DAAM1: variants seen among roughly 807,000 people sequenced by gnomAD.
DAAM1 encodes the protein disheveled-associated activator of morphogenesis 1.
A neutral mutation model predicts 130.0 loss-of-function variants in DAAM1; 52 were observed. The ratio of observed to expected loss-of-function variants is 0.40; its 90% CI spans 0.32 to 0.50. The LOEUF (loss-of-function observed/expected upper bound fraction) is 0.50. Ranked by LOEUF, DAAM1 falls within the 20% of genes least tolerant of loss-of-function variation. The pLI is 0.61. For missense variants in DAAM1, 1,134 were observed against 1,303.8 expected (o/e 0.87, Z 2.01); for synonymous variants, 452 against 444.5 (o/e 1.02, Z -0.21).
intron 1 of DAAM1, among the ~76,000 whole-genome samples, chr14:59,248,623 C>G (rs1425846429): frequency 1.3e-5 from 2 of 152,198 alleles, no homozygotes; most frequent in African/African-American, 4.8e-5. Flanking sequence ...TTTACACACT[C>G]AACACATGTG....
chr14:59,268,076 A>AT (rs889791329), intron 2 of DAAM1, among the ~76,000 whole-genome samples: 3 of 149,648 alleles, frequency 2.0e-5, no homozygotes, highest in Non-Finnish European at 4.5e-5. Context: ...CTATTTTTGT[A>AT]TTTTTTTTTA....
chr14:59,313,429 C>A (rs775107096), intron 3 of DAAM1, among the ~76,000 whole-genome samples: 1 of 152,208 alleles, frequency 6.6e-6, no homozygotes, highest in Non-Finnish European at 1.5e-5. Context: ...TTAATCTATT[C>A]GCATTATTAA....
intron 4 of DAAM1, among the ~76,000 whole-genome samples, chr14:59,317,266 G>T (rs2139608988): frequency 6.6e-6 from 1 of 152,272 alleles, no homozygotes. Context: ...AAGGTAAAAG[G>T]CATTAATAGT....
intron 1 of DAAM1, among the ~76,000 whole-genome samples, chr14:59,251,698 T>C (rs1306408844): frequency 6.6e-6 from 1 of 152,152 alleles, no homozygotes; most frequent in East Asian, 1.9e-4. Context: ...GCGACTGTCC[T>C]CTCTACTGCC....
intron 1 of DAAM1, among the ~76,000 whole-genome samples, chr14:59,195,636 T>C (rs1228617745): frequency 1.3e-5 from 2 of 152,180 alleles, no homozygotes; most frequent in Non-Finnish European, 1.5e-5. Flanking sequence ...GATTGGAAAA[T>C]GTTGCCTATC....
chr14:59,360,907 A>C, intron 22 of DAAM1, 45 bp downstream of exon 22: 4 of 1,580,540 alleles, frequency 2.5e-6, no homozygotes, highest in Non-Finnish European at 3.5e-6. Context: ...TCTCTTCACT[A>C]TCTCTAGTGC....
Position 59,331,473 on chromosome 14 carries a change from G to A in DAAM1, c.1825G>A (p.Ala609Thr). 10 of 1,611,042 alleles carry A rather than the reference G, an allele frequency of 6.2e-6. No homozygotes were observed. The highest frequency in any genetic ancestry group is 8.5e-6 in the Non-Finnish European group (10 of 1,178,460). The change falls in exon 14 of 25, where the codon GCC becomes ACC. Residue 609 changes from alanine (A) to threonine (T), a missense_variant. Physicochemically the swap from Ala to Thr is moderately conservative, Grantham distance 58. Around this residue, in one of 3 missense-constraint regions of DAAM1, gnomAD observed 644 missense variants for 695.9 expected, o/e 0.93. Coordinates refer to ENST00000360909, the MANE Select transcript of DAAM1 (RefSeq NM_001270520.2). ...GAAAAGCATTCCTCAGCCCACAAAT[G>A]CCCTGAAATCCTTCAACTGGTCTAA... ...KKKSIPQPTNALKSFNWSKLP... is the reference protein window; with the variant it reads ...KKKSIPQPTNTLKSFNWSKLP...
intron 2 of DAAM1, among the ~76,000 whole-genome samples, chr14:59,278,521 G>C (rs1883070025): frequency 6.6e-6 from 1 of 152,196 alleles, no homozygotes; most frequent in South Asian, 2.1e-4. Flanking sequence ...ACCACAGTTG[G>C]CTAGAGGTAA....
chr14:59,236,028 TA>T, intron 1 of DAAM1, among the ~76,000 whole-genome samples: 1 of 152,312 alleles, frequency 6.6e-6, no homozygotes, highest in East Asian at 1.9e-4. Context: ...AATCCCATAT[TA>T]AATGGTTACT....
chr14:59,222,256 T>C (rs1196743661), intron 1 of DAAM1, among the ~76,000 whole-genome samples: 1 of 152,240 alleles, frequency 6.6e-6, no homozygotes, highest in Non-Finnish European at 1.5e-5. Context: ...TGCTTCTTAT[T>C]CACTATGATG....
In DAAM1 at chr14:59,370,970, C is replaced by T. The variant is rs536654002; in HGVS notation, c.*2111C>T. 10 of 151,372 alleles carry T rather than the reference C, an allele frequency of 6.6e-5. No individual in the cohort carries two copies. The highest frequency in any genetic ancestry group is 1.3e-4 in the Non-Finnish European group (9 of 67,772). 9.4% of individuals were successfully genotyped at this position (151,372 alleles called of 1,614,324 possible). ...AAAGGAGCAAGTTTGTGTAGCTGTC[C>T]CTCTTGCCCCTTTTAATCATCCTCC... On this transcript the variant is annotated 3_prime_UTR_variant, in exon 25 of 25. Transcript: ENST00000360909.
chr14:59,342,294 G>A (rs1885880432), intron 16 of DAAM1, among the ~76,000 whole-genome samples: 1 of 152,168 alleles, frequency 6.6e-6, no homozygotes, highest in Non-Finnish European at 1.5e-5. Context: ...CATTGATAAG[G>A]ATCTGAAGCC....
chr14:59,207,537 G>A (rs1888297968), intron 1 of DAAM1, among the ~76,000 whole-genome samples: 2 of 152,180 alleles, frequency 1.3e-5, no homozygotes, highest in Admixed American at 1.3e-4. Flanking sequence ...TATCAATAAT[G>A]AAACCTATTT....
chr14:59,264,124 G>C, intron 2 of DAAM1: 1 of 202,374 alleles, frequency 4.9e-6, no homozygotes, highest in Non-Finnish European at 1.0e-5. Context: ...TGATCCTTTG[G>C]TGAAAGACAT....
chr14:59,331,504 C>T lies in DAAM1; in HGVS notation c.1856C>T (p.Pro619Leu). 2 of 1,581,892 alleles carry T rather than the reference C, an allele frequency of 1.3e-6. No homozygotes were observed. The highest frequency in any genetic ancestry group is 1.7e-6 in the Non-Finnish European group (2 of 1,161,880). The change falls in exon 14 of 25, where the codon CCC becomes CTC. Residue 619 changes from proline to leucine, a missense_variant. Around this residue, in one of 3 missense-constraint regions of DAAM1, gnomAD observed 644 missense variants for 695.9 expected, o/e 0.93. Coordinates refer to ENST00000360909, the MANE Select transcript of DAAM1 (RefSeq NM_001270520.2). Reference sequence around the variant, plus strand: ...AAATCCTTCAACTGGTCTAAACTGCCCGAGGTGAGCCATTTGTTCCAGTTT... The same window carrying T: ...AAATCCTTCAACTGGTCTAAACTGCTCGAGGTGAGCCATTTGTTCCAGTTT... The part of the protein sequence containing the change: ...ALKSFNWSKL[P>L]ENKLEGTVWT...
At chr14:59,272,462 G>C (rs907888161) in intron 2 of DAAM1, among the ~76,000 whole-genome samples, 2 of 152,096 alleles carry the variant, frequency 1.3e-5, no homozygotes, top group Admixed American at 1.3e-4. Context: ...TGTAACCCCA[G>C]CTACTTAGGA....
intron 15 of DAAM1, among the ~76,000 whole-genome samples, chr14:59,339,440 T>G (rs1885759415): frequency 6.6e-6 from 1 of 152,210 alleles, no homozygotes; most frequent in Non-Finnish European, 1.5e-5. Flanking sequence ...CTGGCCATCA[T>G]AGCTTACAGA....
chr14:59,232,481 G>A (rs1408589575), intron 1 of DAAM1, among the ~76,000 whole-genome samples: 1 of 152,062 alleles, frequency 6.6e-6, no homozygotes, highest in African/African-American at 2.4e-5. Context: ...AGATGGATAT[G>A]GTGGCTGTTC....
intron 16 of DAAM1, 80 bp from the exon 17 acceptor site, chr14:59,347,459 C>A: frequency 7.6e-7 from 1 of 1,310,662 alleles, no homozygotes; most frequent in Non-Finnish European, 1.1e-6. Flanking sequence ...TGAAAATCAG[C>A]AGCTGGGGTA....
Sources: allele counts gnomAD v4.1 joint callset (sites outside exome capture counted in the v4.1 genomes callset), GRCh38; gene constraint gnomAD v4.1.1; regional missense constraint gnomAD v4.1.1; transcripts MANE v1.5; gene names NCBI Gene and HGNC (gene_info 2026-07-23, HGNC 2026-07-21).